Variants in FARS2 observed in about 807,000 individuals in gnomAD.
FARS2 encodes the protein phenylalanyl-tRNA synthetase 2, mitochondrial, also known as phenylalanine--tRNA ligase, mitochondrial.
Under a neutral mutation model 46.4 loss-of-function variants are expected in FARS2, and 40 were observed. The observed-to-expected ratio is 0.86, with a 90% CI of 0.67 to 1.12. FARS2 has a LOEUF of 1.12. FARS2 is among the 50% of genes most tolerant of loss of function. The pLI is 0.00. For synonymous variants in FARS2, 234 were observed against 214.9 expected (o/e 1.09, Z -0.78); for missense variants, 513 against 567.9 (o/e 0.90, Z 0.98).
chr6:5,483,065 C>A (rs1379318926), intron 4 of FARS2, among the ~76,000 whole-genome samples: 2 of 152,146 alleles, frequency 1.3e-5, no homozygotes, highest in Non-Finnish European at 2.9e-5. Flanking sequence ...GGTCCATGTA[C>A]AAGAGCATTA....
chr6:5,641,154 G>A (rs941518865), intron 6 of FARS2, among the ~76,000 whole-genome samples: 4 of 152,138 alleles, frequency 2.6e-5, no homozygotes, highest in Admixed American at 6.5e-5. Context: ...CCCTGGGTGT[G>A]TTTCTTGCTC....
intron 6 of FARS2, among the ~76,000 whole-genome samples, chr6:5,763,712 TAG>T (rs1043813700): frequency 1.3e-5 from 2 of 151,612 alleles, no homozygotes; most frequent in Non-Finnish European, 2.9e-5. Flanking sequence ...GAAAACCGTA[TAG>T]AGTCATGAGA....
intron 5 of FARS2, among the ~76,000 whole-genome samples, chr6:5,608,987 T>A (rs537932105): frequency 3.9e-5 from 6 of 152,200 alleles, no homozygotes; most frequent in Non-Finnish European, 8.8e-5. Flanking sequence ...TTAAAACCCT[T>A]TGTTGGAATG....
chr6:5,289,884 G>A (rs978509832), intron 1 of FARS2, among the ~76,000 whole-genome samples: 5 of 152,184 alleles, frequency 3.3e-5, no homozygotes, highest in African/African-American at 1.2e-4. Context: ...AAGTCAGTGT[G>A]AATTGGCCTT....
At chr6:5,653,744 A>C (rs1257519670) in intron 6 of FARS2, among the ~76,000 whole-genome samples, 2 of 152,212 alleles carry the variant, frequency 1.3e-5, no homozygotes, top group African/African-American at 2.4e-5. Context: ...AACAATTGTG[A>C]GTGCCTGTTA....
chr6:5,630,166 C>A lies in FARS2; in HGVS notation c.1217+16846C>A, dbSNP rs58102543. On this transcript the variant is annotated intron_variant, in intron 6 of 6. Transcript: ENST00000274680. This position sits in a 1 kb window ranked among gnomAD's most constrained non-coding sequence, Gnocchi z 4.2. ...TGAAGAGCAAGGTGAGGAAAGGACC[C>A]GAGGGAACACCAAGGTTTAAAGGAT... 0.086 allele frequency among the ~76,000 whole-genome samples: 13,013 copies of A among 152,010 alleles called. 1,524 individuals carry two copies. The highest frequency in any genetic ancestry group is 0.27 in the African/African-American group (11,018 of 41,404).
chr6:5,395,640 C>T (rs6900391), intron 2 of FARS2, among the ~76,000 whole-genome samples: 46,150 of 152,032 alleles, frequency 0.3, 7,348 homozygotes, highest in African/African-American at 0.38. Flanking sequence ...CACTAATTAA[C>T]GTGTTCTGGG....
intron 6 of FARS2, among the ~76,000 whole-genome samples, chr6:5,725,752 A>G (rs1760207710): frequency 6.6e-6 from 1 of 152,182 alleles, no homozygotes; most frequent in Admixed American, 6.5e-5. Context: ...CCTGGCCAAC[A>G]TGGCGAAACC....
chr6:5,588,511 T>C (rs1773744473), intron 5 of FARS2, among the ~76,000 whole-genome samples: 1 of 152,226 alleles, frequency 6.6e-6, no homozygotes, highest in African/African-American at 2.4e-5. Flanking sequence ...TAGGGACCTC[T>C]GCTAATGGGC....
intron 3 of FARS2, among the ~76,000 whole-genome samples, chr6:5,425,762 C>T (rs910027207): frequency 1.3e-5 from 2 of 152,200 alleles, no homozygotes; most frequent in Non-Finnish European, 2.9e-5. Flanking sequence ...TGCTTCTGGA[C>T]TTTGGGCTCT....
chr6:5,367,124 C>T (rs1758734831), intron 1 of FARS2, among the ~76,000 whole-genome samples: 1 of 152,242 alleles, frequency 6.6e-6, no homozygotes, highest in Non-Finnish European at 1.5e-5. Context: ...ATTCAACTTG[C>T]AGCTAGATTT....
At chr6:5,504,638 A>G (rs1768003118) in intron 4 of FARS2, among the ~76,000 whole-genome samples, 1 of 152,218 alleles carries the variant, frequency 6.6e-6, no homozygotes, top group African/African-American at 2.4e-5. Flanking sequence ...CCAAGCTCGT[A>G]TCAAACACAA....
intron 1 of FARS2, among the ~76,000 whole-genome samples, chr6:5,281,306 T>C (rs1249247158): frequency 6.6e-6 from 1 of 152,252 alleles, no homozygotes; most frequent in Admixed American, 6.5e-5. Flanking sequence ...ATTAGAGGCA[T>C]CAGGTTTAAA....
intron 4 of FARS2, among the ~76,000 whole-genome samples, chr6:5,520,203 A>AT (rs1051156209): frequency 7.9e-5 from 12 of 152,246 alleles, no homozygotes; most frequent in African/African-American, 1.4e-4. Context: ...TGTGGGGTTG[A>AT]TTTTTTTAAA....
At chr6:5,638,149 C>G (rs180788719) in intron 6 of FARS2, among the ~76,000 whole-genome samples, 16 of 152,294 alleles carry the variant, frequency 1.1e-4, no homozygotes, top group African/African-American at 3.6e-4. Context: ...CTCTCTGATC[C>G]TATATTCTAA....
At chr6:5,466,969 G>A (rs1028006240) in intron 4 of FARS2, 9 of 985,266 alleles carry the variant, frequency 9.1e-6, no homozygotes, top group Non-Finnish European at 1.1e-5. Flanking sequence ...ATGATAAGAG[G>A]CACATATTCT....
At chr6:5,295,690 G>A (rs1183643005) in intron 1 of FARS2, among the ~76,000 whole-genome samples, 6 of 152,088 alleles carry the variant, frequency 3.9e-5, no homozygotes, top group South Asian at 4.1e-4. Context: ...CAGTAGAATC[G>A]GTTGTTTTTA....
intron 4 of FARS2, among the ~76,000 whole-genome samples, chr6:5,497,108 C>CTT (rs1229075362): frequency 1.3e-5 from 2 of 152,162 alleles, no homozygotes; most frequent in Non-Finnish European, 2.9e-5. Flanking sequence ...GGTACTGAGA[C>CTT]TTAAATGAAA....
chr6:5,297,849 T>C (rs1451254370), intron 1 of FARS2, among the ~76,000 whole-genome samples: 6 of 152,358 alleles, frequency 3.9e-5, no homozygotes, highest in African/African-American at 1.2e-4. Context: ...TGGGTAAAAT[T>C]TTGCCTTTAA....
Sources: allele counts gnomAD v4.1 joint callset (sites outside exome capture counted in the v4.1 genomes callset), GRCh38; gene constraint gnomAD v4.1.1; non-coding constraint Gnocchi (gnomAD v3.1); transcripts MANE v1.5; gene names NCBI Gene and HGNC (gene_info 2026-07-23, HGNC 2026-07-21).